TNS3: variants seen among roughly 807,000 people sequenced by gnomAD.
TNS3 encodes the protein tensin-3.
Under a neutral mutation model 140.9 loss-of-function variants are expected in TNS3, and 45 were observed. The observed-to-expected ratio is 0.32, with a 90% CI of 0.25 to 0.41. TNS3 has a LOEUF of 0.41. TNS3 is among the 10% of genes least tolerant of loss of function. The pLI is 1.00. For missense variants in TNS3, 1,716 were observed against 1,906.7 expected, an observed-to-expected ratio of 0.90 and a Z score of 1.86; for synonymous variants, 815 against 788.4, an observed-to-expected ratio of 1.03 and a Z score of -0.56.
intron 4 of TNS3, among the ~76,000 whole-genome samples, chr7:47,443,882 C>T (rs1474899438): frequency 6.6e-6 from 1 of 152,186 alleles, no homozygotes; most frequent in Non-Finnish European, 1.5e-5. Flanking sequence ...GATCGTGCCA[C>T]TGCACTCCAG....
intron 1 of TNS3, among the ~76,000 whole-genome samples, chr7:47,536,508 G>C (rs1367018026): frequency 6.6e-6 from 1 of 152,252 alleles, no homozygotes; most frequent in Non-Finnish European, 1.5e-5. Flanking sequence ...CCACTTCATT[G>C]CAGAGCTAAA....
chr7:47,297,144 G>T lies in TNS3; in HGVS notation c.3614C>A (p.Ala1205Asp), dbSNP rs752024531. The T allele has an allele frequency of 3.7e-6, 6 of 1,613,902 alleles. No individual in the cohort carries two copies. The highest frequency in any genetic ancestry group is 5.1e-6 in the Non-Finnish European group (6 of 1,180,016). ...GGCCACCTTCATGGCCAGGCCATAG[G>T]CCCCTCGGAAGGAATGGCTGTCTCG... is the stretch of plus-strand genomic sequence containing the variant. ...IVRDSHSFRG[A>D]YGLAMKVATP... The change falls in exon 24 of 31, where the codon GCC becomes GAC. Residue 1205 changes from alanine (A) to aspartate (D), a missense_variant. Coordinates refer to ENST00000311160, the MANE Select transcript of TNS3 (RefSeq NM_022748.12).
chr7:47,344,897 A>G, intron 19 of TNS3, 27 bp downstream of exon 19: 1 of 1,611,494 alleles, frequency 6.2e-7, no homozygotes, highest in Non-Finnish European at 8.5e-7. Flanking sequence ...GGAGCAGCAC[A>G]TGCAGCTAGT....
intron 2 of TNS3, among the ~76,000 whole-genome samples, chr7:47,516,651 T>C (rs1798787163): frequency 6.6e-6 from 1 of 152,236 alleles, no homozygotes; most frequent in South Asian, 2.1e-4. Flanking sequence ...ATGCCCCATC[T>C]ACACATGCGG....
rs111867777 is a variant in TNS3 at position 47,369,692 on chromosome 7, C to T, written c.1025-71G>A. On this transcript the variant is annotated intron_variant, in intron 16 of 30. Coordinates refer to ENST00000311160, the MANE Select transcript of TNS3 (RefSeq NM_022748.12). ...GTGAGCCTCACACCCTCTGAATGGG[C>T]GTGTGCATCTGTCTAAACAAATAAA... The T allele has an allele frequency of 3.3e-5, 48 of 1,447,636 alleles. No homozygotes were observed. In the African/African-American group the frequency reaches 3.8e-4, roughly 12 times the overall value. 89.7% of individuals were successfully genotyped at this position (1,447,636 alleles called of 1,614,324 possible). A position where few individuals can be genotyped will look rare whatever the true frequency, so the allele number is the denominator to read the frequency against.
At chr7:47,519,816 CTTTTTTTTTTTT>C (rs34418629) in intron 2 of TNS3, among the ~76,000 whole-genome samples, 3 of 74,832 alleles carry the variant, frequency 4.0e-5, no homozygotes, top group South Asian at 6.8e-4. Context: ...CCTCACATTT[CTTTTTTTTTTTT>C]TTTTTTTTTT....
rs116467821 is a variant in TNS3, at chr7:47,407,312, G to C, written c.723+4415C>G. On this transcript the variant is annotated intron_variant, in intron 13 of 30. Coordinates refer to ENST00000311160, the MANE Select transcript of TNS3 (RefSeq NM_022748.12). This position sits in a 1 kb window ranked among gnomAD's most constrained non-coding sequence, Gnocchi z 4.1. ...AATCATCTCTCCCACCTAACCTTTA[G>C]CTCTTGCCGCCGCGCACCTTCTGCC... 6.3e-3 allele frequency among the ~76,000 whole-genome samples: 959 copies of C among 152,246 alleles called. 5 individuals are homozygous for C. Among genetic ancestry groups the C allele is most frequent in the African/African-American group, 0.021 (889 of 41,554 alleles).
intron 16 of TNS3, among the ~76,000 whole-genome samples, chr7:47,382,189 G>T (rs1441512265): frequency 2.0e-5 from 3 of 152,224 alleles, no homozygotes; most frequent in Non-Finnish European, 4.4e-5. Context: ...TGTTCAAAAG[G>T]AGTGTTTCCT....
At chr7:47,460,021 G>A (rs1340432652) in intron 4 of TNS3, among the ~76,000 whole-genome samples, 3 of 152,012 alleles carry the variant, frequency 2.0e-5, no homozygotes, top group Non-Finnish European at 4.4e-5. Context: ...AGATTATCCT[G>A]GCTAACACGG....
intron 8 of TNS3, among the ~76,000 whole-genome samples, chr7:47,430,133 T>TTTC (rs1206253153): frequency 1.9e-5 from 1 of 53,122 alleles, no homozygotes; most frequent in Non-Finnish European, 4.5e-5. Flanking sequence ...TTTCTTTTCT[T>TTTC]TTTTTTTTTT....
intron 1 of TNS3, among the ~76,000 whole-genome samples, chr7:47,557,510 T>C (rs1262592366): frequency 6.6e-6 from 1 of 152,242 alleles, no homozygotes; most frequent in Non-Finnish European, 1.5e-5. Context: ...ATGCCTTTCC[T>C]TGCAACACAT....
chr7:47,386,698 G>C (rs1009121512), intron 16 of TNS3, among the ~76,000 whole-genome samples: 1 of 152,216 alleles, frequency 6.6e-6, no homozygotes, highest in Non-Finnish European at 1.5e-5. Flanking sequence ...GTGTCCACAG[G>C]GGGAAAGGAG....
intron 1 of TNS3, among the ~76,000 whole-genome samples, chr7:47,563,449 A>C (rs1345330850): frequency 6.6e-6 from 1 of 152,182 alleles, no homozygotes; most frequent in Non-Finnish European, 1.5e-5. Flanking sequence ...GTCCTGAGCT[A>C]GTCAACCATG....
chr7:47,511,657 T>A (rs775880887), intron 2 of TNS3, among the ~76,000 whole-genome samples: 2 of 151,618 alleles, frequency 1.3e-5, no homozygotes, highest in African/African-American at 2.4e-5. Flanking sequence ...CAGAATGGGG[T>A]AAGGACCCAA....
At chr7:47,444,501 T>A (rs1454382635) in intron 4 of TNS3, among the ~76,000 whole-genome samples, 1 of 152,230 alleles carries the variant, frequency 6.6e-6, no homozygotes, top group Non-Finnish European at 1.5e-5. Flanking sequence ...AATACGTGAC[T>A]GCTCACTGCC....
intron 9 of TNS3, among the ~76,000 whole-genome samples, chr7:47,425,826 T>C (rs1477863464): frequency 6.6e-6 from 1 of 152,192 alleles, no homozygotes; most frequent in Non-Finnish European, 1.5e-5. Flanking sequence ...CTCTGGTGAC[T>C]TGAAGTTTCT....
In TNS3 at chr7:47,368,312, A is replaced by AGCCTCCCGTGGAGC. The variant is rs1562645115; in HGVS notation, c.2281+39_2281+52dup. 1.6e-5 allele frequency: 22 copies of AGCCTCCCGTGGAGC among 1,417,866 alleles called. No homozygotes were observed. In the Admixed American group the frequency reaches 2.1e-4, roughly 14 times the overall value. 87.8% of individuals were successfully genotyped at this position (1,417,866 alleles called of 1,614,324 possible). A position where few individuals can be genotyped will look rare whatever the true frequency, so the allele number is the denominator to read the frequency against. ...CTAGGCTGATTTCTCATCACACATT[A>AGCCTCCCGTGGAGC]GCCTCCCGTGGAGCACCTCCCGTGG... is the stretch of plus-strand genomic sequence containing the variant. On this transcript the variant is annotated intron_variant, in intron 17 of 30. Transcript: ENST00000311160.
At chr7:47,387,802 G>A (rs546087798) in intron 16 of TNS3, among the ~76,000 whole-genome samples, 4 of 152,362 alleles carry the variant, frequency 2.6e-5, no homozygotes, top group Admixed American at 6.5e-5. Flanking sequence ...AAGGGCTGAG[G>A]AAGATGGTGA....
intron 16 of TNS3, among the ~76,000 whole-genome samples, chr7:47,384,378 C>T (rs1047599534): frequency 1.3e-5 from 2 of 152,336 alleles, no homozygotes; most frequent in East Asian, 1.9e-4. Context: ...CTGGCTACAG[C>T]GTTCTCCAGC....
Sources: gnomAD v4.1 joint callset for allele counts (sites outside exome capture counted in the v4.1 genomes callset) on GRCh38, gnomAD v4.1.1 for gene constraint, Gnocchi (gnomAD v3.1) non-coding constraint, MANE v1.5 for transcripts, NCBI Gene and HGNC (gene_info 2026-07-23, HGNC 2026-07-21) for gene names.